The following GABRB3 variants were observed in gnomAD, a reference collection of about 807,000 sequenced individuals.
The protein encoded by GABRB3 is gamma-aminobutyric acid type A receptor subunit beta3.
GABRB3 carries 14 observed loss-of-function variants against 52.1 expected under a neutral mutation model. The observed-to-expected ratio is 0.27, with a 90% CI of 0.18 to 0.42. The LOEUF is 0.42. Ranked by LOEUF, GABRB3 falls within the 10% of genes least tolerant of loss-of-function variation. The pLI, the probability that GABRB3 is intolerant of heterozygous loss-of-function variation, is 1.00. For missense variants in GABRB3, 307 were observed against 609.1 expected (o/e 0.50, Z 5.22); for synonymous variants, 260 against 232.3 (o/e 1.12, Z -1.08).
At chr15:26,736,638 C>G (rs117737484) in intron 3 of GABRB3, among the ~76,000 whole-genome samples, 225 of 152,368 alleles carry the variant, frequency 1.5e-3, no homozygotes, top group Middle Eastern at 0.014. Context: ...GCCAGCATTC[C>G]AACTTCCATA....
intron 3 of GABRB3, among the ~76,000 whole-genome samples, chr15:26,660,559 G>T (rs1306524703): frequency 6.6e-6 from 1 of 152,140 alleles, no homozygotes; most frequent in Non-Finnish European, 1.5e-5. Flanking sequence ...CAAATCTGGC[G>T]AAAGTCCAGG....
At chr15:26,734,638 C>CAAAAAA (rs527622047) in intron 3 of GABRB3, among the ~76,000 whole-genome samples, 1 of 96,308 alleles carries the variant, frequency 1.0e-5, no homozygotes, top group African/African-American at 3.7e-5. Flanking sequence ...GGGTGAGTCT[C>CAAAAAA]AAAAAAAAAA....
At position 26,730,348 on chromosome 15, in the gene GABRB3, G is replaced by A. The variant is rs541134030; in HGVS notation, c.240+42054C>T. ...CAGGAGAATGGCGTGAACCCGGGAG[G>A]CGGAGCTTGCAGTGAGCCGAGATCG... On this transcript the variant is annotated intron_variant, in intron 3 of 8. Transcript: ENST00000311550. Among the ~76,000 whole-genome samples the A allele has an allele frequency of 7.4e-3, 1,114 of 151,546 alleles. 11 individuals are homozygous for A. The highest frequency in any genetic ancestry group is 0.011 in the Non-Finnish European group (739 of 67,874).
chr15:26,697,759 A>G (rs985182105), intron 3 of GABRB3, among the ~76,000 whole-genome samples: 1 of 152,094 alleles, frequency 6.6e-6, no homozygotes, highest in African/African-American at 2.4e-5. Context: ...GAGGTCACTG[A>G]GCTGGTAAAT....
intron 3 of GABRB3, among the ~76,000 whole-genome samples, chr15:26,633,895 G>A (rs568513950): frequency 2.2e-4 from 34 of 152,302 alleles, no homozygotes; most frequent in African/African-American, 7.5e-4. Flanking sequence ...AACTTTGAGC[G>A]TTAGCCGTCT....
chr15:26,612,462 G>A (rs1489959909), intron 4 of GABRB3: 1 of 152,156 alleles, frequency 6.6e-6, no homozygotes, highest in African/African-American at 2.4e-5. Flanking sequence ...ACCGGGGAAA[G>A]CCAGCTAGAA....
chr15:26,602,066 G>A (rs1891609136), intron 4 of GABRB3, among the ~76,000 whole-genome samples: 1 of 152,074 alleles, frequency 6.6e-6, no homozygotes, highest in Non-Finnish European at 1.5e-5. Context: ...AATGGAAGAA[G>A]ATACTCCATG....
chr15:26,708,838 C>T (rs1186879442), intron 3 of GABRB3, among the ~76,000 whole-genome samples: 1 of 152,204 alleles, frequency 6.6e-6, no homozygotes, highest in Non-Finnish European at 1.5e-5. Context: ...CCTTCCTCAG[C>T]TCCCTTGTCT....
intron 3 of GABRB3, among the ~76,000 whole-genome samples, chr15:26,685,756 G>A (rs1019878490): frequency 4.6e-5 from 7 of 151,556 alleles, no homozygotes; most frequent in Non-Finnish European, 1.0e-4. Flanking sequence ...CAAATGTACA[G>A]CCGATGGCAG....
intron 3 of GABRB3, among the ~76,000 whole-genome samples, chr15:26,694,421 C>T (rs528995351): frequency 2.7e-4 from 41 of 152,250 alleles, no homozygotes; most frequent in Non-Finnish European, 4.3e-4. Flanking sequence ...CAAGGAATCA[C>T]CACTGAAGAA....
intron 3 of GABRB3, among the ~76,000 whole-genome samples, chr15:26,656,692 C>A (rs1211777459): frequency 6.6e-6 from 1 of 152,174 alleles, no homozygotes; most frequent in Non-Finnish European, 1.5e-5. Flanking sequence ...GTTGCACACT[C>A]CTTATGAGAG....
intron 7 of GABRB3, among the ~76,000 whole-genome samples, chr15:26,563,491 C>G (rs1890059658): frequency 6.6e-6 from 1 of 152,180 alleles, no homozygotes; most frequent in African/African-American, 2.4e-5. Context: ...TTGTGGTGGT[C>G]CACAGCCTGT....
intron 3 of GABRB3, among the ~76,000 whole-genome samples, chr15:26,702,503 TC>T (rs1328137953): frequency 3.3e-5 from 5 of 152,136 alleles, no homozygotes; most frequent in African/African-American, 1.2e-4. Flanking sequence ...GACATACAAA[TC>T]AGGAGCACTG....
chr15:26,629,266 G>T, intron 3 of GABRB3: 1 of 1,174,676 alleles, frequency 8.5e-7, no homozygotes, highest in Non-Finnish European at 1.1e-6. Context: ...AGAGGGAGGA[G>T]GCGTGGTCTG....
At chr15:26,636,821 A>G (rs1414268632) in intron 3 of GABRB3, among the ~76,000 whole-genome samples, 1 of 152,100 alleles carries the variant, frequency 6.6e-6, no homozygotes, top group Admixed American at 6.5e-5. Context: ...CACATTCTTC[A>G]TCAATCTGTC....
intron 3 of GABRB3, among the ~76,000 whole-genome samples, chr15:26,759,323 T>C (rs1386748350): frequency 6.6e-6 from 1 of 152,128 alleles, no homozygotes; most frequent in East Asian, 1.9e-4. Flanking sequence ...GGCGCAATCT[T>C]GGCTCACGGC....
chr15:26,554,192 T>C (rs187431332), intron 8 of GABRB3, among the ~76,000 whole-genome samples: 565 of 2,956 alleles, frequency 0.19, 93 homozygotes, highest in East Asian at 0.58. Flanking sequence ...ATATATATAC[T>C]ATATATATAT....
chr15:26,658,817 G>A (rs1566793946), intron 3 of GABRB3: 1 of 152,180 alleles, frequency 6.6e-6, no homozygotes, highest in Non-Finnish European at 1.5e-5. Context: ...CATTTTGATT[G>A]CAAACATTCT....
intron 3 of GABRB3, among the ~76,000 whole-genome samples, chr15:26,703,342 G>C (rs1466402445): frequency 6.6e-6 from 1 of 152,108 alleles, no homozygotes; most frequent in Non-Finnish European, 1.5e-5. Flanking sequence ...CGTTTGCAAG[G>C]ACCCCTGATC....
Sources: allele counts gnomAD v4.1 joint callset (sites outside exome capture counted in the v4.1 genomes callset), GRCh38; gene constraint gnomAD v4.1.1; transcripts MANE v1.5; gene names NCBI Gene and HGNC (gene_info 2026-07-23, HGNC 2026-07-21).